The following MRTFA variants were observed in gnomAD, a reference collection of about 807,000 sequenced individuals.
MRTFA encodes myocardin-related transcription factor A.
In MRTFA, 20 loss-of-function variants were observed where a neutral mutation model predicts 83.5. That is an observed-to-expected ratio of 0.24 (90% confidence interval 0.17 to 0.35). MRTFA has a LOEUF of 0.35. Among genes scored for constraint, MRTFA ranks in the 10% least tolerant of loss-of-function variants. The pLI, the probability that MRTFA is intolerant of heterozygous loss-of-function variation, is 1.00. For missense variants in MRTFA, 1,200 were observed against 1,224.7 expected (o/e 0.98, Z 0.30); for synonymous variants, 659 against 541.2 (o/e 1.22, Z -3.02).
chr22:40,429,812 C>T (rs369669119), intron 6 of MRTFA, 45 bp from the exon 7 acceptor site: 65 of 1,551,492 alleles, frequency 4.2e-5, no homozygotes, highest in Admixed American at 5.5e-5. Flanking sequence ...TATGAGTGGA[C>T]GTGGTTCTGC....
intron 3 of MRTFA, among the ~76,000 whole-genome samples, chr22:40,520,816 T>C (rs1276184469): frequency 6.6e-6 from 1 of 151,022 alleles, no homozygotes; most frequent in Non-Finnish European, 1.5e-5. Flanking sequence ...CTGAAAGACA[T>C]GTGGGTTGTT....
intron 3 of MRTFA, among the ~76,000 whole-genome samples, chr22:40,483,877 G>A (rs1044997548): frequency 5.9e-5 from 9 of 151,540 alleles, no homozygotes; most frequent in African/African-American, 2.2e-4. Context: ...GCTTTTTGGG[G>A]GTTTGTTTTT....
intron 3 of MRTFA, among the ~76,000 whole-genome samples, chr22:40,520,397 G>A (rs1009146493): frequency 2.0e-5 from 3 of 151,764 alleles, no homozygotes; most frequent in Admixed American, 6.6e-5. Context: ...TTTGGAAAAT[G>A]TTTTTAAGGT....
chr22:40,445,096 C>G (rs2053351148), intron 4 of MRTFA, among the ~76,000 whole-genome samples: 1 of 152,114 alleles, frequency 6.6e-6, no homozygotes, highest in African/African-American at 2.4e-5. Context: ...ATCAAGAATA[C>G]ACCTGGTGAC....
chr22:40,443,230 C>T (rs530926054), intron 4 of MRTFA, among the ~76,000 whole-genome samples: 3 of 151,796 alleles, frequency 2.0e-5, no homozygotes, highest in East Asian at 1.9e-4. Flanking sequence ...CTAGCCTGAG[C>T]GACACAGCAA....
chr22:40,567,467 A>G (rs2055722908), intron 2 of MRTFA, among the ~76,000 whole-genome samples: 1 of 152,206 alleles, frequency 6.6e-6, no homozygotes, highest in Non-Finnish European at 1.5e-5. Flanking sequence ...ATCTGCACAT[A>G]TTTTGTGTAT....
intron 2 of MRTFA, among the ~76,000 whole-genome samples, chr22:40,586,169 G>A (rs2056024684): frequency 6.6e-6 from 1 of 151,028 alleles, no homozygotes; most frequent in South Asian, 2.1e-4. Flanking sequence ...CTCCATCAAA[G>A]TCCTTACTAG....
intron 3 of MRTFA, among the ~76,000 whole-genome samples, chr22:40,536,429 G>C (rs1180608284): frequency 1.3e-5 from 2 of 149,906 alleles, no homozygotes; most frequent in African/African-American, 2.4e-5. Flanking sequence ...GCAGCGGCTG[G>C]AGGAGCGGAC....
intron 9 of MRTFA, 101 bp downstream of exon 9, chr22:40,423,435 C>G: frequency 8.9e-7 from 1 of 1,126,684 alleles, no homozygotes; most frequent in Non-Finnish European, 1.2e-6. Flanking sequence ...AGAAGACACG[C>G]ACCACACCCT....
chr22:40,569,334 C>A, intron 2 of MRTFA: 1 of 216,832 alleles, frequency 4.6e-6, no homozygotes, highest in East Asian at 1.1e-4. Context: ...AGGACTGCCC[C>A]TTTTGACAGG....
chr22:40,589,313 G>A (rs1035713375), intron 2 of MRTFA, among the ~76,000 whole-genome samples: 8 of 152,186 alleles, frequency 5.3e-5, no homozygotes, highest in Admixed American at 2.6e-4. Context: ...AGTGTTATCA[G>A]ACTGAGAATA....
At chr22:40,427,934 G>T (rs937390196) in intron 7 of MRTFA, among the ~76,000 whole-genome samples, 1 of 152,154 alleles carries the variant, frequency 6.6e-6, no homozygotes, top group Non-Finnish European at 1.5e-5. Flanking sequence ...TGGATAACAG[G>T]ATTTGATGAG....
intron 3 of MRTFA, among the ~76,000 whole-genome samples, chr22:40,490,645 G>A (rs1242924794): frequency 1.3e-5 from 2 of 151,320 alleles, no homozygotes; most frequent in African/African-American, 2.4e-5. Context: ...TATTCTCTCT[G>A]CAAACTGGGC....
chr22:40,510,783 G>A (rs2054654586), intron 3 of MRTFA, among the ~76,000 whole-genome samples: 1 of 152,070 alleles, frequency 6.6e-6, no homozygotes, highest in African/African-American at 2.4e-5. Flanking sequence ...AAGTTTCTGG[G>A]GGAATCAAAG....
intron 7 of MRTFA, among the ~76,000 whole-genome samples, chr22:40,426,608 C>T (rs1460784810): frequency 6.6e-6 from 1 of 152,200 alleles, no homozygotes; most frequent in Non-Finnish European, 1.5e-5. Context: ...AAGCCACTGC[C>T]CATGCTGTTC....
intron 1 of MRTFA, among the ~76,000 whole-genome samples, chr22:40,601,918 G>A (rs995914079): frequency 2.0e-5 from 3 of 152,164 alleles, no homozygotes; most frequent in African/African-American, 7.2e-5. Context: ...AAAATATAAT[G>A]AGTCCCTGGC....
At chr22:40,519,623 T>A in intron 3 of MRTFA, 1 of 1,292,044 alleles carries the variant, frequency 7.7e-7, no homozygotes, top group Non-Finnish European at 1.0e-6. Flanking sequence ...CTGTTGTACA[T>A]AAAAGCAAAA....
In MRTFA at chr22:40,573,065, G is replaced by C. The variant is rs185850965; in HGVS notation, c.-21-20698C>G. Among the ~76,000 whole-genome samples, 555 of 152,198 alleles carry C rather than the reference G, an allele frequency of 3.6e-3. 3 individuals are homozygous for C. Among genetic ancestry groups the C allele is most frequent in the Non-Finnish European group, 5.5e-3 (373 of 68,002 alleles). On this transcript the variant is annotated intron_variant, in intron 2 of 14. Coordinates refer to ENST00000355630, the MANE Select transcript of MRTFA (RefSeq NM_020831.6). Reference sequence around the variant, plus strand: ...CAATTTATATGAAACGTCCAGAATGGGTAAATCCACAGAGATAGAAAGTAG... The same window carrying C: ...CAATTTATATGAAACGTCCAGAATGCGTAAATCCACAGAGATAGAAAGTAG...
chr22:40,625,449 C>CTAAA (rs60700777), intron 1 of MRTFA, among the ~76,000 whole-genome samples: 2,891 of 137,514 alleles, frequency 0.021, 49 homozygotes, highest in Middle Eastern at 0.058. Context: ...GGCCCTCTCT[C>CTAAA]TAAATAAATA....
Sources: allele counts gnomAD v4.1 joint callset (sites outside exome capture counted in the v4.1 genomes callset), GRCh38; gene constraint gnomAD v4.1.1; transcripts MANE v1.5; gene names NCBI Gene and HGNC (gene_info 2026-07-23, HGNC 2026-07-21).